The following EIF4E2 variants were observed in gnomAD, a reference collection of about 807,000 sequenced individuals.
The protein encoded by EIF4E2 is eukaryotic translation initiation factor 4E type 2.
In EIF4E2, 13 loss-of-function variants were observed where a neutral mutation model predicts 34.2. That is an observed-to-expected ratio of 0.38 (90% CI 0.25 to 0.60). The LOEUF is 0.60. Ranked by LOEUF, EIF4E2 falls within the 20% of genes least tolerant of loss-of-function variation. EIF4E2 has a pLI of 0.62. For synonymous variants in EIF4E2, 100 were observed against 106.6 expected, an observed-to-expected ratio of 0.94 and a Z score of 0.38; for missense variants, 222 against 315.1, an observed-to-expected ratio of 0.70 and a Z score of 2.24.
chr2:232,563,976 A>G (rs1294428762), intron 3 of EIF4E2, among the ~76,000 whole-genome samples: 3 of 152,230 alleles, frequency 2.0e-5, no homozygotes, highest in Admixed American at 6.5e-5. Context: ...TTCACCAACT[A>G]AAGCTCCTGG....
intron 1 of EIF4E2, among the ~76,000 whole-genome samples, chr2:232,552,200 A>G (rs995347737): frequency 6.6e-6 from 1 of 152,038 alleles, no homozygotes; most frequent in Admixed American, 6.5e-5. Context: ...GGATCTTGCT[A>G]GGTATTTTTC....
At chr2:232,579,065 G>C (rs967541287) in intron 6 of EIF4E2, among the ~76,000 whole-genome samples, 13 of 151,520 alleles carry the variant, frequency 8.6e-5, no homozygotes, top group African/African-American at 3.2e-4. Context: ...TACAAAAAAA[G>C]TGTCTTTTGT....
At chr2:232,579,618 T>TG (rs1693299490) in intron 6 of EIF4E2, among the ~76,000 whole-genome samples, 1 of 152,214 alleles carries the variant, frequency 6.6e-6, no homozygotes, top group South Asian at 2.1e-4. Context: ...CTGAGCATAT[T>TG]CTTTCCTTAG....
At chr2:232,573,934 T>G (rs1693151250), downstream of EIF4E2, 3 of 483,040 alleles carry the variant, frequency 6.2e-6, no homozygotes, top group Non-Finnish European at 1.2e-5. Context: ...ATTGGAAGTG[T>G]TTTTGGTGAC....
chr2:232,556,607 A>G (rs1692534060), intron 2 of EIF4E2, 77 bp downstream of exon 2: 2 of 1,057,182 alleles, frequency 1.9e-6, no homozygotes, highest in Admixed American at 2.1e-5. Flanking sequence ...TTTATCTGGA[A>G]GATACCAGAT....
chr2:232,572,763 A>G (rs1366409000), downstream of EIF4E2, among the ~76,000 whole-genome samples: 1 of 152,230 alleles, frequency 6.6e-6, no homozygotes, highest in East Asian at 1.9e-4. Context: ...GGAATGGAGT[A>G]GGAGGGAGCT....
At chr2:232,551,610 C>T (rs767774985) in intron 1 of EIF4E2, among the ~76,000 whole-genome samples, 1 of 152,178 alleles carries the variant, frequency 6.6e-6, no homozygotes, top group Non-Finnish European at 1.5e-5. Flanking sequence ...CATTGTTGCT[C>T]AAACCACATT....
At chr2:232,553,421 ATT>A (rs55815721) in intron 1 of EIF4E2, among the ~76,000 whole-genome samples, 5 of 151,856 alleles carry the variant, frequency 3.3e-5, no homozygotes, top group African/African-American at 4.8e-5. Context: ...TTAAACGGAG[ATT>A]TTTTTTTATG....
chr2:232,565,329 G>A (rs185577826), intron 4 of EIF4E2, among the ~76,000 whole-genome samples: 4 of 152,146 alleles, frequency 2.6e-5, no homozygotes, highest in Admixed American at 2.0e-4. Context: ...ACTCACTCCC[G>A]TTGACCTTAA....
At chr2:232,575,694 A>G (rs899313002) in intron 6 of EIF4E2, among the ~76,000 whole-genome samples, 2 of 152,230 alleles carry the variant, frequency 1.3e-5, no homozygotes, top group African/African-American at 4.8e-5. Context: ...AAGAGGGAGG[A>G]AAAAGGTACC....
chr2:232,565,283 C>G (rs1692881161), intron 4 of EIF4E2, among the ~76,000 whole-genome samples: 1 of 152,230 alleles, frequency 6.6e-6, no homozygotes, highest in African/African-American at 2.4e-5. Context: ...ACATGTTCTT[C>G]CCAGTGCCCG....
At chr2:232,551,160 T>C in intron 1 of EIF4E2, 2 of 519,826 alleles carry the variant, frequency 3.8e-6, no homozygotes, top group Admixed American at 2.3e-5. Flanking sequence ...CTCAGTTTTC[T>C]CATCTGCAGA....
intron 1 of EIF4E2, among the ~76,000 whole-genome samples, chr2:232,552,217 A>G (rs1231379879): frequency 6.6e-6 from 1 of 152,000 alleles, no homozygotes; most frequent in Non-Finnish European, 1.5e-5. Flanking sequence ...TTTCATATAT[A>G]TATATATTTT....
At chr2:232,577,874 TAGTTTGCTTTTAAAAGAACAGA>T (rs1693259742) in intron 6 of EIF4E2, among the ~76,000 whole-genome samples, 3 of 152,256 alleles carry the variant, frequency 2.0e-5, no homozygotes, top group African/African-American at 7.2e-5. Flanking sequence ...TGCTAAATTT[TAGTTTGCTTTTAAAAGAACAGA>T]AGCACATTGT....
At chr2:232,557,083 A>G (rs1692548802) in intron 2 of EIF4E2, among the ~76,000 whole-genome samples, 1 of 152,188 alleles carries the variant, frequency 6.6e-6, no homozygotes, top group Non-Finnish European at 1.5e-5. Flanking sequence ...CATCTCTACT[A>G]AAAATACAAA....
chr2:232,580,862 C>T, intron 6 of EIF4E2: 1 of 1,514,662 alleles, frequency 6.6e-7, no homozygotes, highest in Non-Finnish European at 8.9e-7. Context: ...ATAGATGATC[C>T]TTGTATTGAA....
chr2:232,572,865 A>G (rs533714576), downstream of EIF4E2, among the ~76,000 whole-genome samples: 7 of 152,326 alleles, frequency 4.6e-5, no homozygotes, highest in African/African-American at 1.7e-4. Context: ...AAAAGGATAA[A>G]TGACATGAAG....
chr2:232,555,404 C>T (rs564327232), intron 1 of EIF4E2, among the ~76,000 whole-genome samples: 4 of 152,226 alleles, frequency 2.6e-5, no homozygotes, highest in African/African-American at 7.2e-5. Flanking sequence ...TGTCTGGATC[C>T]GGTGATTTTA....
intron 3 of EIF4E2, among the ~76,000 whole-genome samples, chr2:232,562,605 A>T (rs1692762264): frequency 6.6e-6 from 1 of 152,198 alleles, no homozygotes; most frequent in African/African-American, 2.4e-5. Context: ...AAACAAACAA[A>T]AAAAAGATTG....
Sources: gnomAD v4.1 joint callset for allele counts (sites outside exome capture counted in the v4.1 genomes callset) on GRCh38, gnomAD v4.1.1 for gene constraint, MANE v1.5 for transcripts, NCBI Gene and HGNC (gene_info 2026-07-23, HGNC 2026-07-21) for gene names.